Variants in SPNS3 observed in about 807,000 individuals in gnomAD.
The protein encoded by SPNS3 is protein spinster homolog 3.
Under a neutral mutation model 54.4 loss-of-function variants are expected in SPNS3, and 51 were observed. The ratio of observed to expected loss-of-function variants is 0.94; its 90% CI spans 0.75 to 1.18. The LOEUF (loss-of-function observed/expected upper bound fraction) is 1.18, where lower values mean the gene tolerates loss of function less well. Among genes scored for constraint, SPNS3 ranks in the 50% most tolerant of loss-of-function variants. SPNS3 has a pLI of 0.00. For synonymous variants in SPNS3, 309 were observed against 294.7 expected (o/e 1.05, Z -0.50); for missense variants, 669 against 677.4 (o/e 0.99, Z 0.14).
At chr17:4,464,159 G>A (rs142673867) in intron 8 of SPNS3, among the ~76,000 whole-genome samples, 2 of 152,204 alleles carry the variant, frequency 1.3e-5, no homozygotes, top group Non-Finnish European at 2.9e-5. Flanking sequence ...CCCTGGGGGA[G>A]CCCATGCCCT....
intron 8 of SPNS3, among the ~76,000 whole-genome samples, chr17:4,461,760 C>T (rs1433437085): frequency 2.0e-5 from 3 of 152,054 alleles, no homozygotes; most frequent in Non-Finnish European, 2.9e-5. Flanking sequence ...TTGGCATGAG[C>T]AGCTGGAACC....
chr17:4,445,022 T>C lies in SPNS3; in HGVS notation c.266-10T>C, dbSNP rs747188596. On this transcript the variant is annotated splice_polypyrimidine_tract_variant and intron_variant, in intron 2 of 11. Coordinates refer to ENST00000355530, the MANE Select transcript of SPNS3 (RefSeq NM_182538.5). ...GGGGGATCCAGGCTGCCCCTGTGTG[T>C]CTCCTTCAGTCTTCGTTAGCTGCCT... 9.3e-6 allele frequency: 15 copies of C among 1,611,960 alleles called. No homozygotes were observed. Among genetic ancestry groups the C allele is most frequent in the Non-Finnish European group, 1.3e-5 (15 of 1,178,718 alleles).
chr17:4,473,678 G>A (rs764249823), intron 8 of SPNS3, among the ~76,000 whole-genome samples: 2 of 152,168 alleles, frequency 1.3e-5, no homozygotes, highest in Non-Finnish European at 2.9e-5. Flanking sequence ...GGGAGCCACT[G>A]TGCCCAGCCC....
At chr17:4,459,609 A>G (rs1971439723) in intron 8 of SPNS3, among the ~76,000 whole-genome samples, 1 of 152,066 alleles carries the variant, frequency 6.6e-6, no homozygotes, top group Non-Finnish European at 1.5e-5. Flanking sequence ...GCTACTGGGG[A>G]GGCTGAGGCA....
At chr17:4,446,481 G>A in intron 4 of SPNS3, 1 of 484,648 alleles carries the variant, frequency 2.1e-6, no homozygotes, top group Non-Finnish European at 3.7e-6. Flanking sequence ...CCCAGGGAAG[G>A]GCCGGCTATG....
rs373263824 is a variant in SPNS3, at chr17:4,434,019, C to T, written c.52C>T (p.Gln18Ter). Reference protein sequence around the residue: ...ECPEPGPGGLQGQSPGPGRQC... With the variant: ...ECPEPGPGGL ...CCCTGAGCCTGGGCCAGGAGGTCTGCAGGGCCAGTCCCCAGGGCCAGGCAG... is the reference window on the plus strand; with the variant it reads ...CCCTGAGCCTGGGCCAGGAGGTCTGTAGGGCCAGTCCCCAGGGCCAGGCAG... The change falls in exon 1 of 12, where the codon CAG becomes TAG. Residue 18 changes from glutamine to a stop codon, truncating the protein, a stop_gained. Coordinates refer to ENST00000355530, the MANE Select transcript of SPNS3 (RefSeq NM_182538.5). LOFTEE classifies it high-confidence loss of function. The T allele has an allele frequency of 6.2e-7, 1 of 1,601,538 alleles. No homozygotes were observed. Among genetic ancestry groups the T allele is most frequent in the Non-Finnish European group, 8.5e-7 (1 of 1,173,696 alleles).
At chr17:4,457,439 CA>C (rs1483957130) in intron 8 of SPNS3, among the ~76,000 whole-genome samples, 2 of 152,216 alleles carry the variant, frequency 1.3e-5, no homozygotes, top group Non-Finnish European at 2.9e-5. Flanking sequence ...GTGACGCCTC[CA>C]AAGTCTGTGT....
At chr17:4,456,800 T>G (rs1378392328) in intron 8 of SPNS3, among the ~76,000 whole-genome samples, 2 of 152,058 alleles carry the variant, frequency 1.3e-5, no homozygotes, top group Admixed American at 1.3e-4. Context: ...CTGCAACCTC[T>G]GCCTCCCAGG....
rs754895640 is a variant in SPNS3, at chr17:4,434,027, GT to G, written c.61del (p.Ser21ProfsTer37). 3 of 1,605,278 alleles carry G rather than the reference GT, an allele frequency of 1.9e-6. No homozygotes were observed. In the South Asian group the frequency reaches 3.3e-5, roughly 18 times the overall value. On this transcript the variant is annotated frameshift_variant, in exon 1 of 12. Transcript: ENST00000355530. LOFTEE classifies it high-confidence loss of function. Reference sequence around the variant, plus strand: ...CTGGGCCAGGAGGTCTGCAGGGCCAGTCCCCAGGGCCAGGCAGGCAGTGTCC... The same window carrying G: ...CTGGGCCAGGAGGTCTGCAGGGCCAGCCCCAGGGCCAGGCAGGCAGTGTCC... ...EPGPGGLQGQ[S>X]PGPGRQCPPP...
At chr17:4,456,822 C>G (rs1217905697) in intron 8 of SPNS3, among the ~76,000 whole-genome samples, 1 of 152,124 alleles carries the variant, frequency 6.6e-6, no homozygotes, top group African/African-American at 2.4e-5. Flanking sequence ...TCAAGTGATT[C>G]TCCTGTCTCA....
intron 1 of SPNS3, among the ~76,000 whole-genome samples, chr17:4,437,788 CTTTT>C (rs35523910): frequency 1.3e-4 from 19 of 144,080 alleles, no homozygotes; most frequent in Admixed American, 1.4e-4. Flanking sequence ...ACAAAGATTT[CTTTT>C]TTTTTTTTTT....
At chr17:4,470,994 G>A (rs1476421862) in intron 8 of SPNS3, among the ~76,000 whole-genome samples, 2 of 152,060 alleles carry the variant, frequency 1.3e-5, no homozygotes, top group Admixed American at 6.6e-5. Flanking sequence ...GCACGAACTC[G>A]GATCACCACA....
intron 2 of SPNS3, among the ~76,000 whole-genome samples, chr17:4,444,346 C>T (rs1488804561): frequency 6.6e-6 from 1 of 151,784 alleles, no homozygotes; most frequent in Non-Finnish European, 1.5e-5. Flanking sequence ...TCTCGAGTAG[C>T]TGGGAGTACA....
intron 9 of SPNS3, among the ~76,000 whole-genome samples, chr17:4,478,914 A>G (rs1480209470): frequency 6.6e-6 from 1 of 152,162 alleles, no homozygotes; most frequent in African/African-American, 2.4e-5. Context: ...ACCGGAACCT[A>G]GGCATTTTGA....
intron 1 of SPNS3, 126 bp downstream of exon 1, chr17:4,434,292 C>T (rs1970659156): frequency 1.1e-6 from 1 of 927,320 alleles, no homozygotes. Flanking sequence ...CTGGTGTTCT[C>T]ACCTCTAGAG....
chr17:4,478,274 A>G (rs564605275), intron 8 of SPNS3, among the ~76,000 whole-genome samples: 5 of 151,772 alleles, frequency 3.3e-5, no homozygotes, highest in Non-Finnish European at 7.4e-5. Context: ...GCCTGGCTTA[A>G]AGTCTGTTTT....
intron 8 of SPNS3, among the ~76,000 whole-genome samples, chr17:4,474,852 G>A (rs1041236838): frequency 2.8e-5 from 2 of 71,210 alleles, no homozygotes; most frequent in Non-Finnish European, 6.0e-5. Flanking sequence ...TGGTGCCCTC[G>A]CCACACATGT....
intron 2 of SPNS3, among the ~76,000 whole-genome samples, chr17:4,441,129 G>A (rs1970836948): frequency 6.6e-6 from 1 of 152,188 alleles, no homozygotes; most frequent in African/African-American, 2.4e-5. Context: ...CAACAACGCT[G>A]GAAATCCCAT....
rs369436145 is a variant in SPNS3 at position 4,439,741 on chromosome 17, C to T, written c.265+18C>T. 3 of 1,606,230 alleles carry T rather than the reference C, an allele frequency of 1.9e-6. No homozygotes were observed. Among genetic ancestry groups the T allele is most frequent in the African/African-American group, 2.7e-5 (2 of 74,830 alleles). ...TCAGACTGGTAAGGAGGAGCCCTGG[C>T]TCTGGAGCCGGGGCCCTGGGTTCAT... On this transcript the variant is annotated intron_variant, in intron 2 of 11. Transcript: ENST00000355530.
Sources: gnomAD v4.1 joint callset for allele counts (sites outside exome capture counted in the v4.1 genomes callset) on GRCh38, gnomAD v4.1.1 for gene constraint, MANE v1.5 for transcripts, NCBI Gene and HGNC (gene_info 2026-07-23, HGNC 2026-07-21) for gene names.